SIDT1: variants seen among roughly 807,000 people sequenced by gnomAD.
SIDT1 encodes SID1 transmembrane family member 1.
Under a neutral mutation model 107.5 loss-of-function variants are expected in SIDT1, and 101 were observed. That is an observed-to-expected ratio of 0.94 (90% confidence interval 0.80 to 1.11). The LOEUF (loss-of-function observed/expected upper bound fraction) is 1.11. SIDT1 is among the 50% of genes least tolerant of loss of function. The pLI is 0.00. For missense variants in SIDT1, 1,076 were observed against 1,058.2 expected (o/e 1.02, Z -0.23); for synonymous variants, 395 against 398.2 (o/e 0.99, Z 0.10).
chr3:113,535,308 T>C (rs981076993), intron 1 of SIDT1, among the ~76,000 whole-genome samples: 2 of 152,028 alleles, frequency 1.3e-5, no homozygotes, highest in African/African-American at 4.8e-5. Context: ...AAGAGAGGCT[T>C]ATAAAAAACA....
intron 14 of SIDT1, among the ~76,000 whole-genome samples, chr3:113,606,123 G>A (rs1411231463): frequency 6.6e-6 from 1 of 151,822 alleles, no homozygotes; most frequent in Non-Finnish European, 1.5e-5. Context: ...TAATATGAAA[G>A]TAGTTTGAGA....
intron 10 of SIDT1, among the ~76,000 whole-genome samples, chr3:113,598,710 G>A (rs1278339968): frequency 6.6e-6 from 1 of 152,006 alleles, no homozygotes; most frequent in Non-Finnish European, 1.5e-5. Context: ...TAAAATATAT[G>A]GTAAAATATA....
At chr3:113,622,481 A>C (rs2107820790) in intron 21 of SIDT1, among the ~76,000 whole-genome samples, 2 of 151,334 alleles carry the variant, frequency 1.3e-5, no homozygotes, top group South Asian at 4.2e-4. Context: ...AAAAAAAAAA[A>C]AAAAAAAACT....
At chr3:113,589,068 G>T (rs1456597574) in intron 9 of SIDT1, among the ~76,000 whole-genome samples, 1 of 152,204 alleles carries the variant, frequency 6.6e-6, no homozygotes, top group Non-Finnish European at 1.5e-5. Context: ...GCAGAAGAGT[G>T]CAAGGCCTCT....
At chr3:113,583,305 T>C (rs1345049456) in intron 6 of SIDT1, 104 bp from the exon 7 acceptor site, 3 of 764,666 alleles carry the variant, frequency 3.9e-6, no homozygotes, top group Non-Finnish European at 6.2e-6. Flanking sequence ...GGGTGAACTT[T>C]ATTTTCCTTC....
At chr3:113,574,057 C>T (rs1576815058) in intron 3 of SIDT1, among the ~76,000 whole-genome samples, 1 of 151,980 alleles carries the variant, frequency 6.6e-6, no homozygotes, top group Non-Finnish European at 1.5e-5. Context: ...TAAAGGATGG[C>T]GATCCAGGGA....
intron 1 of SIDT1, among the ~76,000 whole-genome samples, chr3:113,543,411 A>T (rs1431290012): frequency 6.6e-6 from 1 of 152,066 alleles, no homozygotes; most frequent in African/African-American, 2.4e-5. Context: ...TTTTTGAAGG[A>T]TTTTGGGGTT....
chr3:113,619,800 G>T, intron 21 of SIDT1, 74 bp downstream of exon 21: 2 of 1,344,196 alleles, frequency 1.5e-6, no homozygotes, highest in Non-Finnish European at 2.1e-6. Flanking sequence ...TTCCTTGACT[G>T]TCATTTTTAC....
At chr3:113,553,365 G>A (rs1411490359) in intron 1 of SIDT1, among the ~76,000 whole-genome samples, 2 of 151,842 alleles carry the variant, frequency 1.3e-5, no homozygotes, top group Admixed American at 6.6e-5. Context: ...ATAAAAGGCT[G>A]GTAAGTGTCA....
intron 5 of SIDT1, 65 bp downstream of exon 5, chr3:113,580,774 G>A (rs943000374): frequency 9.6e-7 from 1 of 1,037,040 alleles, no homozygotes. Flanking sequence ...ACAAATGAAA[G>A]AGAAGGGTGG....
chr3:113,634,487 T>G (rs1947111477), downstream of SIDT1, among the ~76,000 whole-genome samples: 1 of 151,744 alleles, frequency 6.6e-6, no homozygotes, highest in African/African-American at 2.4e-5. Context: ...CAAAACCCCA[T>G]CTCTACTAAA....
chr3:113,594,145 C>T (rs974666280), intron 10 of SIDT1, among the ~76,000 whole-genome samples: 3 of 152,156 alleles, frequency 2.0e-5, no homozygotes, highest in Admixed American at 2.0e-4. Context: ...CCCCCTACCC[C>T]CCTCCAGCAG....
chr3:113,612,144 C>A lies in SIDT1; in HGVS notation c.1916C>A (p.Ala639Asp). The change falls in exon 19 of 25, where the codon GCC (alanine) becomes GAC (aspartate). Residue 639 changes from alanine to aspartate, a missense_variant. Transcript: ENST00000264852. ...WVIFSAIHVL[A>D]SLALSTQIYY... Reference sequence around the variant, plus strand: ...ATCTTCTCTGCAATCCACGTTCTGGCCTCGCTAGCCCTCAGCACCCAGATA... The same window carrying A: ...ATCTTCTCTGCAATCCACGTTCTGGACTCGCTAGCCCTCAGCACCCAGATA... 1 of 1,614,112 alleles carries A rather than the reference C, an allele frequency of 6.2e-7. No homozygotes were observed. Among genetic ancestry groups the A allele is most frequent in the South Asian group, 1.1e-5 (1 of 91,084 alleles).
In SIDT1 at chr3:113,608,169, C is replaced by T. The variant is rs771838238; in HGVS notation, c.1554C>T (p.Arg518=). 47 of 1,611,330 alleles carry T rather than the reference C, an allele frequency of 2.9e-5. No homozygotes were observed. The highest frequency in any genetic ancestry group is 3.4e-5 in the Non-Finnish European group (40 of 1,178,982). The change falls in exon 16 of 25, where the codon CGC becomes CGT. Residue 518 remains arginine (R), a synonymous_variant. Transcript: ENST00000264852. ...GFLFLLIVLR[R]DILHRRALEA... is the part of the protein sequence containing the mutation. ...TCTTCCTGCTGATAGTCTTGCGCCG[C>T]GACATCCTCCATCGGAGAGCCCTGG...
chr3:113,588,241 G>A (rs1943882916), intron 9 of SIDT1, among the ~76,000 whole-genome samples: 1 of 152,120 alleles, frequency 6.6e-6, no homozygotes, highest in Admixed American at 6.5e-5. Context: ...CAAATGCACA[G>A]CATAGATTTC....
rs1035282248 is a variant in SIDT1, at chr3:113,571,650, A to C, written c.515+3940A>C. 8.5e-5 allele frequency among the ~76,000 whole-genome samples: 13 copies of C among 152,190 alleles called. 1 individual carries two copies. Among genetic ancestry groups the C allele is most frequent in the African/African-American group, 3.1e-4 (13 of 41,434 alleles). On this transcript the variant is annotated intron_variant, in intron 3 of 24. Coordinates refer to ENST00000264852, the MANE Select transcript of SIDT1 (RefSeq NM_017699.3). ...ATCATGGCATAGGAGGATCTTAAGA[A>C]GGGGCATTAGGAAATTTAAACGTCT...
At chr3:113,623,306 A>G (rs1345961745) in intron 21 of SIDT1, 121 bp from the exon 22 acceptor site, 6 of 547,100 alleles carry the variant, frequency 1.1e-5, no homozygotes, top group Non-Finnish European at 1.9e-5. Context: ...TGAACTAAAA[A>G]TAAAAGTTAA....
intron 10 of SIDT1, among the ~76,000 whole-genome samples, chr3:113,595,979 G>A (rs898863090): frequency 6.6e-6 from 1 of 152,212 alleles, no homozygotes; most frequent in Non-Finnish European, 1.5e-5. Context: ...ATATCTGGAA[G>A]CTAGTGACAG....
intron 10 of SIDT1, among the ~76,000 whole-genome samples, chr3:113,600,569 T>C (rs750856514): frequency 8.5e-5 from 13 of 152,212 alleles, no homozygotes; most frequent in Non-Finnish European, 1.5e-4. Flanking sequence ...TCAGTAGTAA[T>C]AGAGGTAGTA....
Sources: gnomAD v4.1 joint callset for allele counts (sites outside exome capture counted in the v4.1 genomes callset) on GRCh38, gnomAD v4.1.1 for gene constraint, MANE v1.5 for transcripts, NCBI Gene and HGNC (gene_info 2026-07-23, HGNC 2026-07-21) for gene names.